Variants in ACOXL observed in about 807,000 individuals in gnomAD.
ACOXL encodes acyl-coenzyme A oxidase-like protein.
In ACOXL, 70 loss-of-function variants were observed where a neutral mutation model predicts 71.9. That is an observed-to-expected ratio of 0.97 (90% confidence interval 0.80 to 1.19). The LOEUF is 1.19. ACOXL is among the 50% of genes most tolerant of loss of function. The pLI, the probability that ACOXL is intolerant of heterozygous loss-of-function variation, is 0.00. For synonymous variants in ACOXL, 253 were observed against 281.6 expected (o/e 0.90, Z 1.02); for missense variants, 703 against 736.3 (o/e 0.95, Z 0.52).
intron 14 of ACOXL, among the ~76,000 whole-genome samples, chr2:111,015,096 G>C (rs1202698561): frequency 1.3e-5 from 2 of 152,090 alleles, no homozygotes; most frequent in African/African-American, 4.8e-5. Flanking sequence ...GTACTAATTG[G>C]TAAATTAAAT....
At position 110,842,232 on chromosome 2, in the gene ACOXL, G is replaced by A. The variant is rs184808408; in HGVS notation, c.788+827G>A. 3.9e-5 allele frequency among the ~76,000 whole-genome samples: 6 copies of A among 152,226 alleles called. No individual in the cohort carries two copies. In the East Asian group the frequency reaches 5.8e-4, roughly 15 times the overall value. ...GGCAATACCTGAGAGCTAGAAAGCT[G>A]GGGGGGAGCCATGTAGGTTACAGCA... On this transcript the variant is annotated intron_variant, in intron 10 of 17. Transcript: ENST00000439055.
intron 10 of ACOXL, among the ~76,000 whole-genome samples, chr2:110,893,733 A>G (rs531869769): frequency 1.3e-5 from 2 of 152,328 alleles, no homozygotes; most frequent in East Asian, 3.9e-4. Flanking sequence ...ATATAGCCCT[A>G]ATTGAATATG....
intron 17 of ACOXL, chr2:111,094,404 A>G (rs1365848752): frequency 6.6e-6 from 1 of 152,254 alleles, no homozygotes; most frequent in East Asian, 1.9e-4. Flanking sequence ...TGGGTAATTT[A>G]TAAAGAAAAG....
At chr2:110,909,424 C>T (rs1461034067) in intron 11 of ACOXL, among the ~76,000 whole-genome samples, 1 of 152,020 alleles carries the variant, frequency 6.6e-6, no homozygotes, top group Non-Finnish European at 1.5e-5. Context: ...CTATTCCTCC[C>T]CAAGTGCTAG....
At chr2:110,872,140 A>T (rs1185351570) in intron 10 of ACOXL, among the ~76,000 whole-genome samples, 1 of 152,154 alleles carries the variant, frequency 6.6e-6, no homozygotes. Context: ...GCCTCAAACC[A>T]TCACATCATT....
chr2:111,067,424 A>C (rs2067126825), intron 16 of ACOXL, among the ~76,000 whole-genome samples: 1 of 152,182 alleles, frequency 6.6e-6, no homozygotes, highest in Non-Finnish European at 1.5e-5. Flanking sequence ...AATATGAAAA[A>C]CACAAATACA....
intron 9 of ACOXL, among the ~76,000 whole-genome samples, chr2:110,823,358 C>T (rs1688834771): frequency 6.6e-6 from 1 of 151,984 alleles, no homozygotes; most frequent in African/African-American, 2.4e-5. Context: ...TTTGTCCATT[C>T]ATCCATGGAA....
chr2:110,935,060 C>G (rs1406638572), intron 12 of ACOXL, among the ~76,000 whole-genome samples: 1 of 152,016 alleles, frequency 6.6e-6, no homozygotes, highest in Non-Finnish European at 1.5e-5. Flanking sequence ...CAGCTGGGAA[C>G]ACAGCCCAGG....
At chr2:110,771,429 T>C (rs1681911991) in intron 2 of ACOXL, among the ~76,000 whole-genome samples, 1 of 152,128 alleles carries the variant, frequency 6.6e-6, no homozygotes, top group South Asian at 2.1e-4. Context: ...CTCTCCACTT[T>C]TGTGGATGAT....
At chr2:111,084,678 A>ACC (rs1393558892) in intron 16 of ACOXL, among the ~76,000 whole-genome samples, 1 of 152,134 alleles carries the variant, frequency 6.6e-6, no homozygotes, top group Non-Finnish European at 1.5e-5. Context: ...CTTTTCAAAG[A>ACC]CAGCTAACAA....
chr2:110,962,767 C>T (rs1423888230), intron 12 of ACOXL, among the ~76,000 whole-genome samples: 2 of 152,328 alleles, frequency 1.3e-5, no homozygotes, highest in African/African-American at 4.8e-5. Flanking sequence ...TTATTCAGAG[C>T]TAAAGTGCTC....
chr2:110,899,208 T>C (rs1006967972), intron 10 of ACOXL, among the ~76,000 whole-genome samples: 1 of 152,210 alleles, frequency 6.6e-6, no homozygotes, highest in Admixed American at 6.5e-5. Flanking sequence ...CTTCAGCTCT[T>C]AAGCTGCTCG....
intron 16 of ACOXL, among the ~76,000 whole-genome samples, chr2:111,067,497 A>G (rs1356075686): frequency 6.6e-6 from 1 of 152,228 alleles, no homozygotes; most frequent in Non-Finnish European, 1.5e-5. Flanking sequence ...AAATGGGCAG[A>G]TAATGAACTA....
intron 1 of ACOXL, among the ~76,000 whole-genome samples, chr2:110,743,624 T>C (rs554404755): frequency 5.9e-5 from 9 of 152,280 alleles, no homozygotes; most frequent in African/African-American, 1.2e-4. Flanking sequence ...GGATCCTCGA[T>C]TGACCAGGAC....
chr2:111,099,087 A>T (rs973222209), intron 17 of ACOXL: 1 of 152,118 alleles, frequency 6.6e-6, no homozygotes, highest in African/African-American at 2.4e-5. Flanking sequence ...GGCATCACCC[A>T]TTTGTAGTCC....
chr2:111,108,369 A>ATTTTTTTT (rs1173842815), intron 17 of ACOXL, among the ~76,000 whole-genome samples: 13 of 62,062 alleles, frequency 2.1e-4, no homozygotes, highest in African/African-American at 2.9e-4. Flanking sequence ...AAGTGCATGA[A>ATTTTTTTT]TCTTTTTTTT....
At chr2:111,018,225 C>T (rs1275378423) in intron 14 of ACOXL, among the ~76,000 whole-genome samples, 6 of 151,318 alleles carry the variant, frequency 4.0e-5, no homozygotes, top group East Asian at 1.9e-4. Flanking sequence ...GGAGAGGGGA[C>T]GGAGGAGGGA....
At chr2:110,965,308 T>C (rs2061877754) in intron 12 of ACOXL, among the ~76,000 whole-genome samples, 1 of 152,190 alleles carries the variant, frequency 6.6e-6, no homozygotes, top group African/African-American at 2.4e-5. Context: ...GTACCCTTGA[T>C]ATATTGATTT....
intron 11 of ACOXL, among the ~76,000 whole-genome samples, chr2:110,918,253 C>T (rs1401642218): frequency 6.6e-6 from 1 of 152,060 alleles, no homozygotes; most frequent in Non-Finnish European, 1.5e-5. Flanking sequence ...GAAATAACAC[C>T]ACACATCTAC....
Sources: allele counts gnomAD v4.1 joint callset (sites outside exome capture counted in the v4.1 genomes callset), GRCh38; gene constraint gnomAD v4.1.1; transcripts MANE v1.5; gene names NCBI Gene and HGNC (gene_info 2026-07-23, HGNC 2026-07-21).